SELP: variants seen among roughly 807,000 people sequenced by gnomAD.
SELP encodes the protein selectin P.
Under a neutral mutation model 104.1 loss-of-function variants are expected in SELP, and 92 were observed. The observed-to-expected ratio is 0.88, with a 90% CI of 0.75 to 1.05. The LOEUF (loss-of-function observed/expected upper bound fraction) is 1.05. Ranked by LOEUF, SELP falls within the 50% of genes least tolerant of loss-of-function variation. The pLI, the probability that SELP is intolerant of heterozygous loss-of-function variation, is 0.00. For synonymous variants in SELP, 397 were observed against 364.5 expected, an observed-to-expected ratio of 1.09 and a Z score of -1.01; for missense variants, 1,022 against 1,017.3, an observed-to-expected ratio of 1.00 and a Z score of -0.06.
At chr1:169,621,062 G>A (rs1344338419) in intron 1 of SELP, among the ~76,000 whole-genome samples, 1 of 144,314 alleles carries the variant, frequency 6.9e-6, no homozygotes, top group Non-Finnish European at 1.5e-5. Flanking sequence ...CACAGTGACG[G>A]ATGATGTAGG....
At chr1:169,611,025 G>A (rs1662503804) in intron 7 of SELP, among the ~76,000 whole-genome samples, 2 of 152,136 alleles carry the variant, frequency 1.3e-5, no homozygotes, top group Non-Finnish European at 2.9e-5. Context: ...CTGAGGGTGT[G>A]AGGCAATTGC....
At chr1:169,591,970 T>C (rs1207311238) in intron 14 of SELP, among the ~76,000 whole-genome samples, 1 of 152,196 alleles carries the variant, frequency 6.6e-6, no homozygotes, top group Non-Finnish European at 1.5e-5. Context: ...AACAAATGAA[T>C]GTATTTATTA....
Position 169,593,908 on chromosome 1 carries a change from G to C in SELP, c.2288-184C>G, listed in dbSNP as rs115720503. Among the ~76,000 whole-genome samples, 1,187 of 152,276 alleles carry C rather than the reference G, an allele frequency of 7.8e-3. 14 individuals are homozygous for C. The highest frequency in any genetic ancestry group is 0.027 in the African/African-American group (1,112 of 41,562). ...TGGAATTCATAAATCCACTGCAACAGAATGGGAAGTGGGGCCTTATTTTAT... is the reference window on the plus strand; with the variant it reads ...TGGAATTCATAAATCCACTGCAACACAATGGGAAGTGGGGCCTTATTTTAT... On this transcript the variant is annotated intron_variant, in intron 13 of 16. Coordinates refer to ENST00000263686, the MANE Select transcript of SELP (RefSeq NM_003005.4).
chr1:169,612,180 C>A (rs1206093985), intron 6 of SELP, 37 bp downstream of exon 6: 1 of 1,598,484 alleles, frequency 6.3e-7, no homozygotes, highest in South Asian at 1.1e-5. Context: ...GGACTGGGTG[C>A]AATGGACATT....
intron 1 of SELP, among the ~76,000 whole-genome samples, chr1:169,628,513 T>C (rs898239988): frequency 1.3e-5 from 2 of 152,150 alleles, no homozygotes; most frequent in African/African-American, 4.8e-5. Context: ...AATTTCAGGG[T>C]ACCAAGAGAG....
intron 9 of SELP, among the ~76,000 whole-genome samples, chr1:169,606,503 G>A (rs1013436140): frequency 5.3e-5 from 8 of 152,110 alleles, no homozygotes; most frequent in African/African-American, 1.4e-4. Context: ...TTGCAACTGG[G>A]TACTTGTAAA....
intron 3 of SELP, among the ~76,000 whole-genome samples, chr1:169,616,657 A>G (rs1044532994): frequency 1.3e-5 from 2 of 152,128 alleles, no homozygotes; most frequent in African/African-American, 4.8e-5. Flanking sequence ...GTTATACAAG[A>G]CACAGGGGTG....
At chr1:169,609,752 A>C (rs982840474) in intron 7 of SELP, 63 bp from the exon 8 acceptor site, 2 of 1,466,184 alleles carry the variant, frequency 1.4e-6, no homozygotes, top group Admixed American at 2.1e-5. Context: ...CCTCAGAAAA[A>C]ATTCCTAGAT....
rs768699281 is a variant in SELP, at chr1:169,594,684, A to G, written c.2287+8T>C. 6.8e-6 allele frequency: 11 copies of G among 1,611,574 alleles called. No homozygotes were observed. In the South Asian group the frequency reaches 1.2e-4, roughly 18 times the overall value. Reference sequence around the variant, plus strand: ...AAAGTGACTTCTTAACCCACATGAAAATTGTACCTTGGCAGGTTGGCACGG... The same window carrying G: ...AAAGTGACTTCTTAACCCACATGAAGATTGTACCTTGGCAGGTTGGCACGG... On this transcript the variant is annotated splice_region_variant and intron_variant, in intron 13 of 16. Coordinates refer to ENST00000263686, the MANE Select transcript of SELP (RefSeq NM_003005.4).
rs369790385 is a variant in SELP, at chr1:169,617,346, T to C, written c.163A>G (p.Ile55Val). Reference sequence around the variant, plus strand: ...CGATTCTGGCAGTATTTACGGGAAATATTCCATGAGTATGCTTTTGTGCTG... The same window carrying C: ...CGATTCTGGCAGTATTTACGGGAAACATTCCATGAGTATGCTTTTGTGCTG... ...HYSTKAYSWN[I>V]SRKYCQNRYT... The change falls in exon 3 of 17, where the codon ATT becomes GTT. Residue 55 changes from isoleucine (I) to valine (V), a missense_variant. Physicochemically the swap from Ile to Val is conservative, Grantham distance 29 (BLOSUM62 3). Transcript: ENST00000263686. 9 of 1,614,022 alleles carry C rather than the reference T, an allele frequency of 5.6e-6. No individual in the cohort carries two copies. Among genetic ancestry groups the C allele is most frequent in the Non-Finnish European group, 7.6e-6 (9 of 1,180,016 alleles).
rs764700470 is a variant in SELP at position 169,603,068 on chromosome 1, T to A, written c.1663A>T (p.Thr555Ser). The A allele has an allele frequency of 2.5e-6, 4 of 1,613,892 alleles. No homozygotes were observed. The highest frequency in any genetic ancestry group is 3.4e-6 in the Non-Finnish European group (4 of 1,179,968). ...SLSGPERLDCTRSGRWTDSPP... is the reference protein window; with the variant it reads ...SLSGPERLDCSRSGRWTDSPP... ...GAGTCTGTCCAGCGTCCCGATCGAG[T>A]ACAATCCAATCTTTCTGGTCCAGAC... The change falls in exon 10 of 17, where the codon ACT becomes TCT. Residue 555 changes from threonine to serine, a missense_variant. Thr to Ser is a moderately conservative substitution (Grantham distance 58). Coordinates refer to ENST00000263686, the MANE Select transcript of SELP (RefSeq NM_003005.4).
rs184742905 is a variant in SELP at position 169,609,196 on chromosome 1, A to G, written c.1333+308T>C. On this transcript the variant is annotated intron_variant, in intron 8 of 16. Transcript: ENST00000263686. Reference sequence around the variant, plus strand: ...GACTGAGCTAAACACCTTGTCCATTACCCTTCCCCATCCCATGCTATTCCT... The same window carrying G: ...GACTGAGCTAAACACCTTGTCCATTGCCCTTCCCCATCCCATGCTATTCCT... 6.6e-5 allele frequency among the ~76,000 whole-genome samples: 10 copies of G among 152,096 alleles called. No individual in the cohort carries two copies. The East Asian group carries it at 1.9e-3, about 29-fold the overall frequency.
chr1:169,614,713 CT>C (rs1354070774), intron 3 of SELP, among the ~76,000 whole-genome samples: 1 of 152,108 alleles, frequency 6.6e-6, no homozygotes, highest in African/African-American at 2.4e-5. Context: ...TTCTGAGATA[CT>C]AAAATTCTAT....
At chr1:169,607,258 GATAAGAA>G in intron 8 of SELP, 124 bp from the exon 9 acceptor site, 1 of 718,420 alleles carries the variant, frequency 1.4e-6, no homozygotes, top group Non-Finnish European at 2.0e-6. Flanking sequence ...TAACATAGAA[GATAAGAA>G]AAAGTGTCAT....
At chr1:169,595,190 G>T (rs742126) in intron 12 of SELP, among the ~76,000 whole-genome samples, 5 of 151,942 alleles carry the variant, frequency 3.3e-5, no homozygotes, top group Admixed American at 1.3e-4. Context: ...TTAAAATACT[G>T]TTAGTCTAAA....
intron 9 of SELP, 92 bp from the exon 10 acceptor site, chr1:169,603,303 C>CTGTGTGTG (rs1456565599): frequency 1.6e-5 from 11 of 694,624 alleles, no homozygotes; most frequent in African/African-American, 6.3e-5. Context: ...CTCCCTCTCT[C>CTGTGTGTG]TCTCTGTGTG....
At position 169,606,912 on chromosome 1, in the gene SELP, A is replaced by G. The variant is rs773965567; in HGVS notation, c.1519+37T>C. ...CCAGCCTTTAAAAATACTGCCTACAATTTATTTCCATGATGTTAGAAAGAA... is the reference window on the plus strand; with the variant it reads ...CCAGCCTTTAAAAATACTGCCTACAGTTTATTTCCATGATGTTAGAAAGAA... On this transcript the variant is annotated intron_variant, in intron 9 of 16. Transcript: ENST00000263686. 12 of 1,584,050 alleles carry G rather than the reference A, an allele frequency of 7.6e-6. No homozygotes were observed. The Admixed American group carries it at 1.9e-4, about 26-fold the overall frequency.
Position 169,612,285 on chromosome 1 carries a change from A to T in SELP, c.893T>A (p.Leu298Ter), listed in dbSNP as rs753009002. Reference protein sequence around the residue: ...CSFSCEEGFALVGPEVVQCTA... With the variant: ...CSFSCEEGFA ...GCATTGCACCACTTCCGGTCCAACT[A>T]ATGCAAATCCCTCTTCACAACTGAA... The change falls in exon 6 of 17, where the codon TTA becomes TAA. Residue 298 changes from leucine to a stop codon, truncating the protein, a stop_gained. Transcript: ENST00000263686. LOFTEE classifies it high-confidence loss of function. 1.9e-6 allele frequency: 3 copies of T among 1,614,142 alleles called. No homozygotes were observed. In the Admixed American group the frequency reaches 5.0e-5, roughly 27 times the overall value.
rs1662227003 is a variant in SELP at position 169,606,820 on chromosome 1, G to C, written c.1519+129C>G. ...CTTGGGTTATAGGACAAGAGGATGA[G>C]TGAGAGTATTTATGAATTTTCCAGT... On this transcript the variant is annotated intron_variant, in intron 9 of 16. Transcript: ENST00000263686. 12 of 814,696 alleles carry C rather than the reference G, an allele frequency of 1.5e-5. No individual in the cohort carries two copies. The East Asian group carries it at 3.2e-4, about 22-fold the overall frequency. 50.5% of individuals were successfully genotyped at this position (814,696 alleles called of 1,614,324 possible).
Sources: gnomAD v4.1 joint callset for allele counts (sites outside exome capture counted in the v4.1 genomes callset) on GRCh38, gnomAD v4.1.1 for gene constraint, MANE v1.5 for transcripts, NCBI Gene and HGNC (gene_info 2026-07-23, HGNC 2026-07-21) for gene names.